LIPT1: variants seen among roughly 807,000 people sequenced by gnomAD.
The protein encoded by LIPT1 is lipoyltransferase 1.
In LIPT1, 22 loss-of-function variants were observed where a neutral mutation model predicts 25.1. The ratio of observed to expected loss-of-function variants is 0.88; its 90% CI spans 0.63 to 1.25. The LOEUF (loss-of-function observed/expected upper bound fraction) is 1.25, where lower values mean the gene tolerates loss of function less well. Ranked by LOEUF, LIPT1 falls within the 50% of genes most tolerant of loss-of-function variation. The pLI is 0.00. For synonymous variants in LIPT1, 131 were observed against 150.8 expected, an observed-to-expected ratio of 0.87 and a Z score of 0.96; for missense variants, 399 against 432.8, an observed-to-expected ratio of 0.92 and a Z score of 0.69.
At chr2:99,159,415 T>C (rs531462016) in intron 1 of LIPT1, among the ~76,000 whole-genome samples, 1 of 152,128 alleles carries the variant, frequency 6.6e-6, no homozygotes, top group South Asian at 2.1e-4. Flanking sequence ...TCTCTCTCTC[T>C]CCTACCGTAC....
At chr2:99,156,930 G>C (rs941659141) in intron 1 of LIPT1, 1 of 152,200 alleles carries the variant, frequency 6.6e-6, no homozygotes, top group Non-Finnish European at 1.5e-5. Flanking sequence ...GATAGGAACA[G>C]TAAGCACAGA....
chr2:99,160,330 C>T (rs1036829664), intron 1 of LIPT1, among the ~76,000 whole-genome samples: 3 of 152,084 alleles, frequency 2.0e-5, no homozygotes, highest in Admixed American at 6.5e-5. Context: ...ATTGCTTGAG[C>T]CCAGGAGGTC....
intron 1 of LIPT1, among the ~76,000 whole-genome samples, chr2:99,157,891 A>G (rs2093764894): frequency 6.6e-6 from 1 of 152,058 alleles, no homozygotes; most frequent in Non-Finnish European, 1.5e-5. Flanking sequence ...TCTTAACCCC[A>G]TACTTCCTCT....
chr2:99,155,090 G>T (rs1416411729), intron 1 of LIPT1, 39 bp downstream of exon 1: 1 of 454,328 alleles, frequency 2.2e-6, no homozygotes, highest in South Asian at 1.6e-5. Context: ...GGATGTTGCG[G>T]GCCGTAGCGC....
chr2:99,162,719 A>G lies in LIPT1; in HGVS notation c.762A>G (p.Thr254=). 1.2e-6 allele frequency: 2 copies of G among 1,614,194 alleles called. No homozygotes were observed. The highest frequency in any genetic ancestry group is 1.7e-6 in the Non-Finnish European group (2 of 1,180,032). Residue 254 remains threonine, a synonymous_variant, in exon 2 of 2, where the codon ACA becomes ACG. Coordinates refer to ENST00000651691, the MANE Select transcript of LIPT1 (RefSeq NM_145199.3). ...ACCTAATAAACCCAACGGATGAGAC[A>G]CTGTTTCCTGGAATAAATAGCAAAG... ...HIHLINPTDE[T]LFPGINSKAK...
At position 99,162,586 on chromosome 2, in the gene LIPT1, C is replaced by T. The variant is rs1160820386; in HGVS notation, c.629C>T (p.Ser210Phe). ...AGCAATGCCACTGCTAGCATACCTTCCTTAGTGAAAAATCTTTTGGAAAAG... is the reference window on the plus strand; with the variant it reads ...AGCAATGCCACTGCTAGCATACCTTTCTTAGTGAAAAATCTTTTGGAAAAG... ...IRSNATASIPSLVKNLLEKDP... is the reference protein window; with the variant it reads ...IRSNATASIPFLVKNLLEKDP... The change falls in exon 2 of 2, where the codon TCC (serine) becomes TTC (phenylalanine). Residue 210 changes from serine (S) to phenylalanine (F), a missense_variant. Ser to Phe is a radical substitution (Grantham distance 155). Transcript: ENST00000651691. 3 of 1,614,142 alleles carry T rather than the reference C, an allele frequency of 1.9e-6. No individual in the cohort carries two copies. The Admixed American group carries it at 5.0e-5, about 27-fold the overall frequency.
intron 1 of LIPT1, among the ~76,000 whole-genome samples, chr2:99,159,766 C>T (rs376457607): frequency 2.6e-5 from 4 of 152,150 alleles, no homozygotes; most frequent in African/African-American, 9.7e-5. Context: ...CAAAGTAATG[C>T]AGTCTCGGTT....
At chr2:99,161,761 G>T in intron 1 of LIPT1, 196 bp from the exon 2 acceptor site, 1 of 472,772 alleles carries the variant, frequency 2.1e-6, no homozygotes, top group East Asian at 3.2e-5. Flanking sequence ...GAAATTATTT[G>T]AAATTTGTCT....
intron 1 of LIPT1, among the ~76,000 whole-genome samples, chr2:99,160,684 A>T (rs1211212764): frequency 1.3e-5 from 2 of 152,220 alleles, no homozygotes; most frequent in Admixed American, 1.3e-4. Flanking sequence ...GCCTTTGTAT[A>T]TAAACCTGCA....
chr2:99,162,829 AGTCACACTTG>A lies in LIPT1; in HGVS notation c.874_883del (p.Ser292LysfsTer6), dbSNP rs1451845166. The stretch of plus-strand genomic sequence containing the variant: ...ACTTCCTTTCATGTGTTATATGAAC[AGTCACACTTG>A]GAAATTAAAGTATTCATAGACATAA... On this transcript the variant is annotated frameshift_variant, in exon 2 of 2. Coordinates refer to ENST00000651691, the MANE Select transcript of LIPT1 (RefSeq NM_145199.3). LOFTEE classifies it high-confidence loss of function. 1 of 1,613,880 alleles carries A rather than the reference AGTCACACTTG, an allele frequency of 6.2e-7. No individual in the cohort carries two copies. Among genetic ancestry groups the A allele is most frequent in the East Asian group, 2.2e-5 (1 of 44,874 alleles).
Position 99,162,814 on chromosome 2 carries a change from A to T in LIPT1, c.857A>T (p.His286Leu), listed in dbSNP as rs1559172115. 2 of 1,614,150 alleles carry T rather than the reference A, an allele frequency of 1.2e-6. No individual in the cohort carries two copies. Among genetic ancestry groups the T allele is most frequent in the African/African-American group, 1.3e-5 (1 of 75,042 alleles). Residue 286 changes from histidine to leucine, a missense_variant, in exon 2 of 2, where the codon CAT becomes CTT. Transcript: ENST00000651691. The part of the protein sequence containing the change: ...TPKFSINTSF[H>L]VLYEQSHLEI... The stretch of plus-strand genomic sequence containing the variant: ...AAGTTTAGTATAAATACTTCCTTTC[A>T]TGTGTTATATGAACAGTCACACTTG...
chr2:99,162,502 G>A lies in LIPT1; in HGVS notation c.545G>A (p.Cys182Tyr). The change falls in exon 2 of 2, where the codon TGT becomes TAT. Residue 182 changes from cysteine (C) to tyrosine (Y), a missense_variant. By Grantham distance (194) the Cys-to-Tyr change is radical (BLOSUM62 -2). Coordinates refer to ENST00000651691, the MANE Select transcript of LIPT1 (RefSeq NM_145199.3). ...TTAYHHCTLL[C>Y]STDGTFLSSL... The stretch of plus-strand genomic sequence containing the variant: ...GCCTATCACCATTGCACTTTATTAT[G>A]TAGTACTGATGGGACGTTCTTGTCT... The A allele has an allele frequency of 6.2e-7, 1 of 1,614,104 alleles. No individual in the cohort carries two copies. Among genetic ancestry groups the A allele is most frequent in the Non-Finnish European group, 8.5e-7 (1 of 1,180,016 alleles).
At position 99,162,967 on chromosome 2, in the gene LIPT1, G is replaced by C. The variant is rs201935470; in HGVS notation, c.1010G>C (p.Cys337Ser). 6.2e-7 allele frequency: 1 copy of C among 1,613,666 alleles called. No individual in the cohort carries two copies. The highest frequency in any genetic ancestry group is 8.5e-7 in the Non-Finnish European group (1 of 1,179,924). Residue 337 changes from cysteine to serine, a missense_variant, in exon 2 of 2, where the codon TGC becomes TCC. Coordinates refer to ENST00000651691, the MANE Select transcript of LIPT1 (RefSeq NM_145199.3). Reference sequence around the variant, plus strand: ...TCAAGTCTTATTGGCAGTAAGTTTTGCCCAACTGAAACTACCATGCTAACA... The same window carrying C: ...TCAAGTCTTATTGGCAGTAAGTTTTCCCCAACTGAAACTACCATGCTAACA... Reference protein sequence around the residue: ...LNSSLIGSKFCPTETTMLTNI... With the variant: ...LNSSLIGSKFSPTETTMLTNI...
chr2:99,157,145 C>T (rs2093761238), intron 1 of LIPT1, among the ~76,000 whole-genome samples: 1 of 152,238 alleles, frequency 6.6e-6, no homozygotes. Context: ...TCCTTAACTA[C>T]TTTGCCATCC....
chr2:99,162,898 C>A lies in LIPT1; in HGVS notation c.941C>A (p.Ala314Glu). 1 of 1,613,088 alleles carries A rather than the reference C, an allele frequency of 6.2e-7. No individual in the cohort carries two copies. Residue 314 changes from alanine to glutamate, a missense_variant, in exon 2 of 2, where the codon GCA becomes GAA. Ala to Glu is a moderately radical substitution (Grantham distance 107). Transcript: ENST00000651691. ...NGRIEICNIE[A>E]PDHWLPLEIR... ...AGAATTGAAATTTGTAATATTGAAG[C>A]ACCTGATCATTGGTTGCCATTGGAA...
At chr2:99,155,092 C>G (rs1023608455) in intron 1 of LIPT1, 41 bp downstream of exon 1, 1 of 454,076 alleles carries the variant, frequency 2.2e-6, no homozygotes, top group African/African-American at 2.0e-5. Context: ...ATGTTGCGGG[C>G]CGTAGCGCGT....
rs1259955989 is a variant in LIPT1 at position 99,155,487 on chromosome 2, T to G, written c.-2+436T>G. 3 of 455,846 alleles carry G rather than the reference T, an allele frequency of 6.6e-6. No homozygotes were observed. In the East Asian group the frequency reaches 2.1e-4, roughly 32 times the overall value. 28.2% of individuals were successfully genotyped at this position (455,846 alleles called of 1,614,324 possible). A position where few individuals can be genotyped will look rare whatever the true frequency, so the allele number is the denominator to read the frequency against. ...TGTGCTGTTTTCGCTTTCAGTTCAGTGATGGGGAGCCGTGTTTGGCAGTGC... is the reference window on the plus strand; with the variant it reads ...TGTGCTGTTTTCGCTTTCAGTTCAGGGATGGGGAGCCGTGTTTGGCAGTGC... On this transcript the variant is annotated intron_variant, in intron 1 of 1. Transcript: ENST00000651691.
chr2:99,157,284 T>C (rs1330118383), intron 1 of LIPT1, among the ~76,000 whole-genome samples: 1 of 152,198 alleles, frequency 6.6e-6, no homozygotes, highest in Non-Finnish European at 1.5e-5. Flanking sequence ...CTCCTATTTG[T>C]TACTTTCTCC....
chr2:99,158,992 G>C (rs189319436), intron 1 of LIPT1, among the ~76,000 whole-genome samples: 1 of 152,032 alleles, frequency 6.6e-6, no homozygotes, highest in Non-Finnish European at 1.5e-5. Flanking sequence ...GTAGTGGCAC[G>C]ATCTCGGCTC....
Sources: gnomAD v4.1 joint callset for allele counts (sites outside exome capture counted in the v4.1 genomes callset) on GRCh38, gnomAD v4.1.1 for gene constraint, MANE v1.5 for transcripts, NCBI Gene and HGNC (gene_info 2026-07-23, HGNC 2026-07-21) for gene names.